Variants in CSE1L observed in about 807,000 individuals in gnomAD.
The protein encoded by CSE1L is exportin-2.
A neutral mutation model predicts 120.4 loss-of-function variants in CSE1L; 24 were observed. The observed-to-expected ratio is 0.20, with a 90% CI of 0.14 to 0.28. The LOEUF is 0.28. CSE1L is among the 10% of genes least tolerant of loss of function. The pLI is 1.00. For synonymous variants in CSE1L, 402 were observed against 398.3 expected (o/e 1.01, Z -0.11); for missense variants, 830 against 1,145.2 (o/e 0.72, Z 3.97).
intron 1 of CSE1L, among the ~76,000 whole-genome samples, chr20:49,055,673 C>G (rs2091800908): frequency 1.3e-5 from 2 of 152,096 alleles, no homozygotes; most frequent in Admixed American, 1.3e-4. Flanking sequence ...GAGCTATGAT[C>G]ATGCCCCTGC....
chr20:49,078,519 C>T (rs1231424142), intron 13 of CSE1L, 42 bp from the exon 14 acceptor site: 3 of 1,371,718 alleles, frequency 2.2e-6, no homozygotes, highest in Admixed American at 2.2e-5. Flanking sequence ...AGTAATGATC[C>T]TTACCACTTA....
intron 21 of CSE1L, 99 bp from the exon 22 acceptor site, chr20:49,091,947 G>T: frequency 1.5e-6 from 1 of 682,728 alleles, no homozygotes; most frequent in East Asian, 2.8e-5. Context: ...ACAGCCTTTG[G>T]ATGTTAATGA....
intron 6 of CSE1L, among the ~76,000 whole-genome samples, chr20:49,068,466 G>A (rs550258725): frequency 3.9e-5 from 6 of 152,142 alleles, no homozygotes; most frequent in Non-Finnish European, 7.4e-5. Flanking sequence ...GGGCGTGGTG[G>A]CAGGCACCTA....
Position 49,090,955 on chromosome 20 carries a change from T to G in CSE1L, c.2298T>G (p.Tyr766Ter). The change falls in exon 21 of 25, where the codon TAT becomes TAG. Residue 766 changes from tyrosine to a stop codon, truncating the protein, a stop_gained. Coordinates refer to ENST00000262982, the MANE Select transcript of CSE1L (RefSeq NM_001316.4). LOFTEE classifies it high-confidence loss of function. ...EHMPPESVDQ[Y>*]RKQIFILLFQ... ...TCTTTAGTGAATCAGTTGACCAATA[T>G]AGGAAACAAATCTTCATTCTGCTAT... is the stretch of plus-strand genomic sequence containing the variant. The G allele has an allele frequency of 6.2e-7, 1 of 1,610,822 alleles. No homozygotes were observed. The highest frequency in any genetic ancestry group is 8.5e-7 in the Non-Finnish European group (1 of 1,177,680).
chr20:49,063,031 TTAATG>T (rs1426145557), intron 2 of CSE1L, among the ~76,000 whole-genome samples, 166 bp from the exon 3 acceptor site: 1 of 151,764 alleles, frequency 6.6e-6, no homozygotes, highest in Admixed American at 6.6e-5. Flanking sequence ...TTATATAAGT[TTAATG>T]TAACATATAT....
intron 1 of CSE1L, among the ~76,000 whole-genome samples, chr20:49,051,007 G>A (rs768838967): frequency 6.6e-6 from 1 of 152,262 alleles, no homozygotes; most frequent in African/African-American, 2.4e-5. Context: ...AATATATAAC[G>A]GGTGCTCATC....
chr20:49,050,702 C>T lies in CSE1L; in HGVS notation c.-12+4279C>T, dbSNP rs148486178. On this transcript the variant is annotated intron_variant, in intron 1 of 24. Transcript: ENST00000262982. ...CTGGGATTACAGACGTAAGCCACCG[C>T]GCCCGGCCTGAGCCCAGCTAATTTT... 2.0e-3 allele frequency among the ~76,000 whole-genome samples: 305 copies of T among 151,664 alleles called. 1 individual carries two copies. The highest frequency in any genetic ancestry group is 6.9e-3 in the African/African-American group (287 of 41,312).
intron 1 of CSE1L, among the ~76,000 whole-genome samples, chr20:49,051,314 G>C (rs1164974451): frequency 1.3e-5 from 2 of 152,244 alleles, no homozygotes; most frequent in African/African-American, 4.8e-5. Flanking sequence ...GGGAGGCTGA[G>C]GCGGCAGATC....
At chr20:49,049,972 G>A (rs531050061) in intron 1 of CSE1L, among the ~76,000 whole-genome samples, 38 of 152,100 alleles carry the variant, frequency 2.5e-4, no homozygotes, top group African/African-American at 8.4e-4. Context: ...GGTTTCAGTG[G>A]GCCAGAATTA....
Position 49,088,119 on chromosome 20 carries a change from A to G in CSE1L, c.1821+13A>G, listed in dbSNP as rs377151606. ...AGCTGTTAGTAAGGTAATAGAGCCA[A>G]TTTTGAAAGTGGGGTTCCTTTTTTA... On this transcript the variant is annotated intron_variant, in intron 17 of 24. Coordinates refer to ENST00000262982, the MANE Select transcript of CSE1L (RefSeq NM_001316.4). 1.7e-5 allele frequency: 26 copies of G among 1,562,018 alleles called. No individual in the cohort carries two copies. Among genetic ancestry groups the G allele is most frequent in the Admixed American group, 3.4e-5 (2 of 58,332 alleles).
intron 19 of CSE1L, 141 bp downstream of exon 19, chr20:49,089,887 G>A (rs2092087790): frequency 1.4e-6 from 1 of 730,960 alleles, no homozygotes; most frequent in Admixed American, 2.7e-5. Flanking sequence ...GGAGCCTCTA[G>A]TGGGAGGATC....
intron 14 of CSE1L, among the ~76,000 whole-genome samples, chr20:49,083,767 T>C (rs1279656403): frequency 6.6e-6 from 1 of 152,226 alleles, no homozygotes; most frequent in Non-Finnish European, 1.5e-5. Context: ...TGTGATATTA[T>C]TATTTTATGG....
intron 17 of CSE1L, among the ~76,000 whole-genome samples, chr20:49,088,697 A>G (rs1326942828): frequency 6.6e-6 from 1 of 152,128 alleles, no homozygotes; most frequent in African/African-American, 2.4e-5. Flanking sequence ...TTATTATTCA[A>G]CTGAGTTAGG....
chr20:49,068,140 A>C (rs2091907778), intron 6 of CSE1L, among the ~76,000 whole-genome samples: 1 of 152,118 alleles, frequency 6.6e-6, no homozygotes, highest in Admixed American at 6.6e-5. Context: ...TAATAAGAGC[A>C]TATAAAGATA....
chr20:49,092,473 C>T (rs1045069965), intron 22 of CSE1L, among the ~76,000 whole-genome samples: 3 of 151,926 alleles, frequency 2.0e-5, no homozygotes, highest in African/African-American at 2.4e-5. Context: ...CTACTCTACA[C>T]ACTGGCATTC....
chr20:49,095,234 G>T, intron 24 of CSE1L: 1 of 489,962 alleles, frequency 2.0e-6, no homozygotes, highest in South Asian at 2.3e-5. Context: ...CTGTATAGTT[G>T]CATTTTGTCA....
intron 3 of CSE1L, 54 bp downstream of exon 3, chr20:49,063,398 A>T (rs1010063182): frequency 5.0e-6 from 6 of 1,197,554 alleles, no homozygotes; most frequent in Non-Finnish European, 6.9e-6. Context: ...TAAGGTTTAT[A>T]TAAGCAGTGT....
intron 1 of CSE1L, among the ~76,000 whole-genome samples, chr20:49,046,777 G>A (rs1600576050): frequency 6.6e-6 from 1 of 152,238 alleles, no homozygotes; most frequent in African/African-American, 2.4e-5. Flanking sequence ...CGCTCGGGAA[G>A]GCCGCTCCTT....
At chr20:49,080,143 G>A (rs931317392) in intron 14 of CSE1L, among the ~76,000 whole-genome samples, 3 of 152,092 alleles carry the variant, frequency 2.0e-5, no homozygotes, top group African/African-American at 4.8e-5. Context: ...TGGTAAATCT[G>A]GGGGCTTGAT....
Sources: allele counts gnomAD v4.1 joint callset (sites outside exome capture counted in the v4.1 genomes callset), GRCh38; gene constraint gnomAD v4.1.1; transcripts MANE v1.5; gene names NCBI Gene and HGNC (gene_info 2026-07-23, HGNC 2026-07-21).